ZNF462: variants seen among roughly 807,000 people sequenced by gnomAD.
The protein encoded by ZNF462 is zinc finger protein 462, also known as zinc finger PBX1-interacting protein.
A neutral mutation model predicts 201.9 loss-of-function variants in ZNF462; 10 were observed. The observed-to-expected ratio is 0.05, with a 90% CI of 0.03 to 0.08. The LOEUF (loss-of-function observed/expected upper bound fraction) is 0.08. Among genes scored for constraint, ZNF462 ranks in the 10% least tolerant of loss-of-function variants. The pLI, the probability that ZNF462 is intolerant of heterozygous loss-of-function variation, is 1.00. For missense variants in ZNF462, 2,523 were observed against 3,168.3 expected (o/e 0.80, Z 4.89); for synonymous variants, 1,227 against 1,193.3 (o/e 1.03, Z -0.58).
intron 7 of ZNF462, among the ~76,000 whole-genome samples, chr9:106,965,927 A>G (rs559927682): frequency 5.9e-5 from 9 of 152,194 alleles, no homozygotes; most frequent in South Asian, 4.1e-4. Flanking sequence ...TTTCCTGGCT[A>G]TTAAATAAAG....
rs550169517 is a variant in ZNF462, at chr9:106,920,650, C to T, written c.-30-2704C>T. 2.3e-4 allele frequency among the ~76,000 whole-genome samples: 35 copies of T among 152,274 alleles called. No homozygotes were observed. The highest frequency in any genetic ancestry group is 8.4e-4 in the African/African-American group (35 of 41,552). The stretch of plus-strand genomic sequence containing the variant: ...TGACTCTTTTTCTGATCTCATAACC[C>T]TTTAATCTCCTTTGTAGCAGAACAA... On this transcript the variant is annotated intron_variant, in intron 1 of 12. Transcript: ENST00000277225. This position sits in a 1 kb window ranked among gnomAD's most constrained non-coding sequence, Gnocchi z 4.3.
At chr9:106,910,476 A>C (rs1260295126) in intron 1 of ZNF462, among the ~76,000 whole-genome samples, 2 of 149,962 alleles carry the variant, frequency 1.3e-5, no homozygotes, top group Non-Finnish European at 3.0e-5. Flanking sequence ...TCCCCTCCTC[A>C]AGCCTTGCTT....
rs748330707 is a variant in ZNF462, at chr9:106,954,316, G to C, written c.6427+15209G>C. Among the ~76,000 whole-genome samples the C allele has an allele frequency of 6.6e-6, 1 of 151,916 alleles. No homozygotes were observed. The highest frequency in any genetic ancestry group is 1.5e-5 in the Non-Finnish European group (1 of 67,970). ...GTGGCAGGAGAGAGAAAGAGAGTGA[G>C]GGGGGGATGTGCCATACTTCTAAAC... On this transcript the variant is annotated intron_variant, in intron 7 of 12. Transcript: ENST00000277225. The surrounding 1 kb of genome is among the most constrained non-coding windows in gnomAD (Gnocchi z 4.0).
chr9:106,918,037 G>A (rs1166813321), intron 1 of ZNF462, among the ~76,000 whole-genome samples: 16 of 151,596 alleles, frequency 1.1e-4, no homozygotes, highest in Non-Finnish European at 1.0e-4. Context: ...CACCACACCC[G>A]GCTAATTTTT....
At chr9:106,987,661 G>A (rs1174070669) in intron 10 of ZNF462, among the ~76,000 whole-genome samples, 1 of 152,126 alleles carries the variant, frequency 6.6e-6, no homozygotes, top group Non-Finnish European at 1.5e-5. Context: ...AAGCTCTTTA[G>A]TTTAAGTAAG....
chr9:106,874,719 C>G (rs923538450), intron 1 of ZNF462, among the ~76,000 whole-genome samples: 1 of 152,198 alleles, frequency 6.6e-6, no homozygotes, highest in African/African-American at 2.4e-5. Flanking sequence ...TTCATTCCAT[C>G]TTCTCCCGTG....
chr9:106,992,023 AAAG>A (rs1472968465), intron 10 of ZNF462, among the ~76,000 whole-genome samples: 2 of 151,950 alleles, frequency 1.3e-5, no homozygotes, highest in South Asian at 2.1e-4. Context: ...CTAAAAGAAA[AAAG>A]AAGACACCAT....
chr9:106,898,869 G>C (rs1348759320), intron 1 of ZNF462, among the ~76,000 whole-genome samples: 1 of 152,172 alleles, frequency 6.6e-6, no homozygotes, highest in Non-Finnish European at 1.5e-5. Context: ...ACAAAAGCCA[G>C]ATGTAGAAGA....
At chr9:106,911,740 A>G (rs1829557828) in intron 1 of ZNF462, among the ~76,000 whole-genome samples, 1 of 152,228 alleles carries the variant, frequency 6.6e-6, no homozygotes, top group Non-Finnish European at 1.5e-5. Flanking sequence ...TCTCTTCAGA[A>G]TGATAACAGG....
intron 1 of ZNF462, among the ~76,000 whole-genome samples, chr9:106,914,456 C>T (rs1393230717): frequency 2.0e-5 from 3 of 152,120 alleles, no homozygotes; most frequent in African/African-American, 7.2e-5. Flanking sequence ...TTGGGGCAAG[C>T]GGGGAATAAA....
In ZNF462 at chr9:106,927,400, C is replaced by A. The variant is rs780091836; in HGVS notation, c.3488C>A (p.Pro1163His). The change falls in exon 3 of 13, where the codon CCC becomes CAC. Residue 1163 changes from proline to histidine, a missense_variant. Transcript: ENST00000277225. ...GCAATGATGAGAGGGGTCGAAGGGC[C>A]CCAAGGCTCCCCCCGGCCACCCGCC... ...TAAMMRGVEGPQGSPRPPAPI... is the reference protein window; with the variant it reads ...TAAMMRGVEGHQGSPRPPAPI... 5.0e-6 allele frequency: 8 copies of A among 1,613,842 alleles called. No homozygotes were observed. In the South Asian group the frequency reaches 8.8e-5, roughly 18 times the overall value.
Position 106,880,647 on chromosome 9 carries a change from AT to A in ZNF462, c.-31+17294del, listed in dbSNP as rs1190448259. Among the ~76,000 whole-genome samples the A allele has an allele frequency of 1.6e-4, 24 of 152,312 alleles. No homozygotes were observed. Among genetic ancestry groups the A allele is most frequent in the African/African-American group, 5.3e-4 (22 of 41,572 alleles). ...AGAGTGGTTGTTGGGATATATTTTT[AT>A]TAATGGTTTAAGTTGGGCCTTTTAT... is the stretch of plus-strand genomic sequence containing the variant. On this transcript the variant is annotated intron_variant, in intron 1 of 12. Transcript: ENST00000277225. This position sits in a 1 kb window ranked among gnomAD's most constrained non-coding sequence, Gnocchi z 4.1.
chr9:106,985,125 A>G (rs772963232), intron 10 of ZNF462, among the ~76,000 whole-genome samples: 2 of 152,180 alleles, frequency 1.3e-5, no homozygotes, highest in Non-Finnish European at 2.9e-5. Flanking sequence ...TAGACAATAC[A>G]TAAATGAGCC....
intron 1 of ZNF462, among the ~76,000 whole-genome samples, chr9:106,915,751 T>C (rs1829746733): frequency 6.6e-6 from 1 of 152,196 alleles, no homozygotes. Flanking sequence ...TTACGGTCTA[T>C]ATAGGCTCAG....
chr9:106,864,077 T>G lies in ZNF462; in HGVS notation c.-31+722T>G, dbSNP rs949350056. Among the ~76,000 whole-genome samples the G allele has an allele frequency of 1.9e-4, 26 of 135,328 alleles. 1 individual carries two copies. Among genetic ancestry groups the G allele is most frequent in the African/African-American group, 6.7e-4 (24 of 35,988 alleles). The allele number at this position is 135,328 out of a possible 152,430, so 88.8% of individuals were successfully genotyped here. ...CTCTCTCTCTCTCTCTCTCTCTCTCTCTCTCTCTCTCTCTCTCTCTCTCTC... is the reference window on the plus strand; with the variant it reads ...CTCTCTCTCTCTCTCTCTCTCTCTCGCTCTCTCTCTCTCTCTCTCTCTCTC... On this transcript the variant is annotated intron_variant, in intron 1 of 12. Transcript: ENST00000277225.
intron 1 of ZNF462, among the ~76,000 whole-genome samples, chr9:106,906,401 C>G (rs1829276962): frequency 6.6e-6 from 1 of 152,166 alleles, no homozygotes; most frequent in African/African-American, 2.4e-5. Flanking sequence ...ATTCCTGCCT[C>G]CCTTCTGCCG....
Position 107,006,217 on chromosome 9 carries a change from C to T in ZNF462, c.7189+2791C>T, listed in dbSNP as rs1200446411. 6.6e-6 allele frequency among the ~76,000 whole-genome samples: 1 copy of T among 152,108 alleles called. No homozygotes were observed. The highest frequency in any genetic ancestry group is 1.5e-5 in the Non-Finnish European group (1 of 68,012). The stretch of plus-strand genomic sequence containing the variant: ...AGATTAAATGAGATAACACAGAAGA[C>T]CTTCACCCAGTTCCTAGAATATAAC... On this transcript the variant is annotated intron_variant, in intron 11 of 12. Transcript: ENST00000277225. This position sits in a 1 kb window ranked among gnomAD's most constrained non-coding sequence, Gnocchi z 4.3.
chr9:106,875,142 T>C (rs1448465979), intron 1 of ZNF462, among the ~76,000 whole-genome samples: 1 of 152,204 alleles, frequency 6.6e-6, no homozygotes, highest in Non-Finnish European at 1.5e-5. Flanking sequence ...ATGTTTCCAA[T>C]GTGCTTCTGC....
At position 106,924,002 on chromosome 9, in the gene ZNF462, C is replaced by T; in HGVS notation, c.221-131C>T. Reference sequence around the variant, plus strand: ...ATGCTTTGTGAATACTCTTCAAGGCCTCATCTTGAGACTTCAGGCCTTTTG... The same window carrying T: ...ATGCTTTGTGAATACTCTTCAAGGCTTCATCTTGAGACTTCAGGCCTTTTG... On this transcript the variant is annotated intron_variant, in intron 2 of 12. Coordinates refer to ENST00000277225, the MANE Select transcript of ZNF462 (RefSeq NM_021224.6). This position sits in a 1 kb window ranked among gnomAD's most constrained non-coding sequence, Gnocchi z 6.2. The T allele has an allele frequency of 1.3e-6, 1 of 753,274 alleles. No homozygotes were observed. Among genetic ancestry groups the T allele is most frequent in the Admixed American group, 2.9e-5 (1 of 34,158 alleles). The allele number at this position is 753,274 out of a possible 1,614,324, so 46.7% of individuals were successfully genotyped here.
Sources: allele counts gnomAD v4.1 joint callset (sites outside exome capture counted in the v4.1 genomes callset), GRCh38; gene constraint gnomAD v4.1.1; non-coding constraint Gnocchi (gnomAD v3.1); transcripts MANE v1.5; gene names NCBI Gene and HGNC (gene_info 2026-07-23, HGNC 2026-07-21).